POF1B: variants seen among roughly 807,000 people sequenced by gnomAD.
POF1B encodes the protein POF1B actin binding protein, also known as protein POF1B.
A neutral mutation model predicts 55.3 loss-of-function variants in POF1B; 53 were observed. The ratio of observed to expected loss-of-function variants is 0.96; its 90% CI spans 0.77 to 1.20. The LOEUF is 1.20. Ranked by LOEUF, POF1B falls within the 50% of genes most tolerant of loss-of-function variation. The pLI, the probability that POF1B is intolerant of heterozygous loss-of-function variation, is 0.00. For synonymous variants in POF1B, 188 were observed against 148.3 expected, an observed-to-expected ratio of 1.27 and a Z score of -1.95; for missense variants, 478 against 420.5, an observed-to-expected ratio of 1.14 and a Z score of -1.20.
intron 15 of POF1B, among the ~76,000 whole-genome samples, chrX:85,290,132 C>T (rs946168708): frequency 9.0e-6 from 1 of 110,871 alleles, no homozygotes; most frequent in African/African-American, 3.3e-5. Context: ...CTTCAGTAGT[C>T]CCCAGTGTCT....
chrX:85,320,656 A>AT (rs1382202375), intron 7 of POF1B, among the ~76,000 whole-genome samples: 1 of 111,372 alleles, frequency 9.0e-6, no homozygotes. Flanking sequence ...CCAGGAGCTG[A>AT]TTTTTTTGAA....
intron 6 of POF1B, among the ~76,000 whole-genome samples, chrX:85,331,934 T>G (rs1255050403): frequency 8.9e-6 from 1 of 111,986 alleles, no homozygotes; most frequent in East Asian, 2.8e-4. Context: ...TTTTATTCCT[T>G]TTTATGGCTG....
chrX:85,324,804 T>C lies in POF1B; in HGVS notation c.854+6145A>G, dbSNP rs777344141. ...TTTATAGTATCACTGGCCTATGTAC[T>C]TGTGTGTTTTTATGGTGTTTAATAA... On this transcript the variant is annotated intron_variant, in intron 7 of 16. Coordinates refer to ENST00000262753, the MANE Select transcript of POF1B (RefSeq NM_024921.4). Among the ~76,000 whole-genome samples, 55 of 111,818 alleles carry C rather than the reference T, an allele frequency of 4.9e-4. 1 individual carries two copies. The highest frequency in any genetic ancestry group is 9.8e-4 in the Non-Finnish European group (52 of 53,219).
chrX:85,281,822 G>A (rs1931904158), intron 16 of POF1B, among the ~76,000 whole-genome samples: 1 of 109,168 alleles, frequency 9.2e-6, no homozygotes, highest in African/African-American at 3.3e-5. Context: ...CCATTTTCCA[G>A]TTGCCTTCAT....
At chrX:85,307,905 G>T (rs1173338032) in intron 10 of POF1B, among the ~76,000 whole-genome samples, 1 of 111,591 alleles carries the variant, frequency 9.0e-6, no homozygotes, top group African/African-American at 3.2e-5. Flanking sequence ...TAAACTAAAT[G>T]ATAAGTGCAC....
At chrX:85,349,086 C>A (rs1044918217) in intron 5 of POF1B, among the ~76,000 whole-genome samples, 4 of 111,161 alleles carry the variant, frequency 3.6e-5, no homozygotes, top group Non-Finnish European at 3.8e-5. Context: ...TGCTGCTCCT[C>A]TGTAAGATGA....
chrX:85,347,836 G>T lies in POF1B; in HGVS notation c.541-1794C>A, dbSNP rs1047943233. 1.3e-4 allele frequency among the ~76,000 whole-genome samples: 14 copies of T among 110,500 alleles called. No individual in the cohort carries two copies. The Admixed American group carries it at 1.4e-3, about 11-fold the overall frequency. ...AATCTTTACAGTTTAGGAATTTTGG[G>T]GGTGAATGTATGTTACATTACTATT... On this transcript the variant is annotated intron_variant, in intron 5 of 16. Coordinates refer to ENST00000262753, the MANE Select transcript of POF1B (RefSeq NM_024921.4).
chrX:85,329,303 T>C (rs1202155083), intron 7 of POF1B, among the ~76,000 whole-genome samples: 1 of 111,551 alleles, frequency 9.0e-6, no homozygotes, highest in Non-Finnish European at 1.9e-5. Flanking sequence ...GTTTGGGTAA[T>C]GGGAAACAGG....
intron 15 of POF1B, among the ~76,000 whole-genome samples, chrX:85,284,662 G>C (rs1414271622): frequency 1.8e-5 from 2 of 111,428 alleles, no homozygotes; most frequent in African/African-American, 6.5e-5. Flanking sequence ...AATTCAAGAT[G>C]GATTAAAGAC....
At position 85,346,039 on chromosome X, in the gene POF1B, A is replaced by T. The variant is rs1933263318; in HGVS notation, c.544T>A (p.Cys182Ser). Residue 182 changes from cysteine to serine, a missense_variant, in exon 6 of 17, where the codon TGC becomes AGC. By Grantham distance (112) the Cys-to-Ser change is moderately radical. Coordinates refer to ENST00000262753, the MANE Select transcript of POF1B (RefSeq NM_024921.4). ...TGATGGCATTGAGCCTGAGGATGGC[A>T]CCCCTAAGACACATACACATGCCAA... ...KVEKLNTDQG[C>S]HPQAQCHHHI... 1.7e-6 allele frequency: 2 copies of T among 1,153,811 alleles called. No individual in the cohort carries two copies. The highest frequency in any genetic ancestry group is 2.3e-6 in the Non-Finnish European group (2 of 864,778).
intron 2 of POF1B, among the ~76,000 whole-genome samples, chrX:85,377,796 T>C (rs1202136054): frequency 1.8e-5 from 2 of 112,147 alleles, no homozygotes; most frequent in East Asian, 5.6e-4. Flanking sequence ...TAATAAAACA[T>C]ACTCCTAAAA....
At position 85,345,956 on chromosome X, in the gene POF1B, A is replaced by G. The variant is rs762152441; in HGVS notation, c.627T>C (p.Ser209=). 6.6e-6 allele frequency: 8 copies of G among 1,206,120 alleles called. No homozygotes were observed. In the East Asian group the frequency reaches 2.4e-4, roughly 36 times the overall value. Residue 209 remains serine (S), a synonymous_variant, in exon 6 of 17, where the codon TCT becomes TCC. Transcript: ENST00000262753. Reference sequence around the variant, plus strand: ...CTGTGATGGCTTGGATTTGCTGGCTAGAATCAGGTTGTTGCCAGTGTGCAG... The same window carrying G: ...CTGTGATGGCTTGGATTTGCTGGCTGGAATCAGGTTGTTGCCAGTGTGCAG... ...IHSAHWQQPD[S]SQQIQAITGN... is the part of the protein sequence containing the mutation.
At chrX:85,370,502 T>C (rs1933801069) in intron 2 of POF1B, among the ~76,000 whole-genome samples, 1 of 111,591 alleles carries the variant, frequency 9.0e-6, no homozygotes, top group African/African-American at 3.3e-5. Flanking sequence ...TTTAGACATA[T>C]GGTGTTGAAC....
At chrX:85,332,006 T>C (rs1441595413) in intron 6 of POF1B, among the ~76,000 whole-genome samples, 1 of 111,952 alleles carries the variant, frequency 8.9e-6, no homozygotes, top group East Asian at 2.8e-4. Flanking sequence ...CACTTATCCA[T>C]TGATGGACAC....
intron 15 of POF1B, among the ~76,000 whole-genome samples, chrX:85,287,112 A>G (rs1932070542): frequency 8.9e-6 from 1 of 111,758 alleles, no homozygotes; most frequent in South Asian, 3.7e-4. Flanking sequence ...GCTTAAGTAG[A>G]AATTTATAGC....
In POF1B at chrX:85,282,086, A is replaced by T. The variant is rs192988452; in HGVS notation, c.1764+117T>A. Reference sequence around the variant, plus strand: ...CACTGTATATCAATAATGGAAACAGAAAATCTCAAAAGAAAAAAATACTCA... The same window carrying T: ...CACTGTATATCAATAATGGAAACAGTAAATCTCAAAAGAAAAAAATACTCA... On this transcript the variant is annotated intron_variant, in intron 16 of 16. Transcript: ENST00000262753. 5.4e-6 allele frequency: 5 copies of T among 917,534 alleles called. No individual in the cohort carries two copies. In the East Asian group the frequency reaches 2.0e-4, roughly 37 times the overall value. The allele number at this position is 917,534 out of a possible 1,213,427, so 75.6% of individuals were successfully genotyped here. A position where few individuals can be genotyped will look rare whatever the true frequency, so the allele number is the denominator to read the frequency against.
chrX:85,363,963 A>T (rs1407411313), intron 3 of POF1B, among the ~76,000 whole-genome samples: 1 of 111,900 alleles, frequency 8.9e-6, no homozygotes, highest in Admixed American at 9.5e-5. Flanking sequence ...AGGACAGTTA[A>T]GTCTTCCTGT....
At position 85,314,492 on chromosome X, in the gene POF1B, T is replaced by A; in HGVS notation, c.897A>T (p.Glu299Asp). Reference sequence around the variant, plus strand: ...CTGATAATCCTTTAGGAATCAATGATTCAATGTCTTCCGACTGTAAGAAAA... The same window carrying A: ...CTGATAATCCTTTAGGAATCAATGAATCAATGTCTTCCGACTGTAAGAAAA... Reference protein sequence around the residue: ...FESTDESEDIESLIPKGLSEF... With the variant: ...FESTDESEDIDSLIPKGLSEF... Residue 299 changes from glutamate (E) to aspartate (D), a missense_variant, in exon 9 of 17, where the codon GAA becomes GAT. Glu to Asp is a conservative substitution (Grantham distance 45). Coordinates refer to ENST00000262753, the MANE Select transcript of POF1B (RefSeq NM_024921.4). 8.4e-7 allele frequency: 1 copy of A among 1,193,594 alleles called. No homozygotes were observed. The highest frequency in any genetic ancestry group is 1.1e-6 in the Non-Finnish European group (1 of 886,019).
rs1437935147 is a variant in POF1B, at chrX:85,345,862, G to T, written c.721C>A (p.Gln241Lys). ...AGGAATCAGCTGATTGATCTTACCT[G>T]CTCACAAATCTGGCTTGATCCACTA... Reference protein sequence around the residue: ...CHSGSSQICEQVIIQDDGPEK... With the variant: ...CHSGSSQICEKVIIQDDGPEK... Residue 241 changes from glutamine (Q) to lysine (K), a missense_variant and splice_region_variant, in exon 6 of 17, where the codon CAG (glutamine) becomes AAG (lysine). Coordinates refer to ENST00000262753, the MANE Select transcript of POF1B (RefSeq NM_024921.4). The T allele has an allele frequency of 8.4e-7, 1 of 1,194,784 alleles. No individual in the cohort carries two copies. Among genetic ancestry groups the T allele is most frequent in the Non-Finnish European group, 1.1e-6 (1 of 885,997 alleles).
Sources: gnomAD v4.1 joint callset for allele counts (sites outside exome capture counted in the v4.1 genomes callset) on GRCh38, gnomAD v4.1.1 for gene constraint, MANE v1.5 for transcripts, NCBI Gene and HGNC (gene_info 2026-07-23, HGNC 2026-07-21) for gene names.